MGST1: variants seen among roughly 807,000 people sequenced by gnomAD.
The protein encoded by MGST1 is glutathione S-transferase 12.
In MGST1, 5 loss-of-function variants were observed where a neutral mutation model predicts 8.9. The ratio of observed to expected loss-of-function variants is 0.56; its 90% CI spans 0.29 to 1.19. MGST1 has a LOEUF of 1.19. Ranked by LOEUF, MGST1 falls within the 50% of genes most tolerant of loss-of-function variation. MGST1 has a pLI of 0.08. For missense variants in MGST1, 182 were observed against 187.4 expected, an observed-to-expected ratio of 0.97 and a Z score of 0.17; for synonymous variants, 54 against 67.8, an observed-to-expected ratio of 0.80 and a Z score of 1.00.
chr12:16,485,743 T>C (rs190088545), intron 4 of MGST1, among the ~76,000 whole-genome samples: 172 of 152,330 alleles, frequency 1.1e-3, no homozygotes, highest in Non-Finnish European at 1.7e-3. Flanking sequence ...AAAATGCATG[T>C]CATGGAACAA....
chr12:16,578,635 T>A (rs564761582), intron 4 of MGST1, among the ~76,000 whole-genome samples: 1 of 152,214 alleles, frequency 6.6e-6, no homozygotes, highest in East Asian at 1.9e-4. Context: ...TTGGCCAACA[T>A]GGTGAAGCCC....
At chr12:16,496,570 C>T (rs928015533) in intron 4 of MGST1, among the ~76,000 whole-genome samples, 8 of 151,982 alleles carry the variant, frequency 5.3e-5, no homozygotes, top group Non-Finnish European at 1.2e-4. Flanking sequence ...CGACTAATCC[C>T]GTCACCCGCA....
chr12:16,578,677 G>T (rs1943067063), intron 4 of MGST1, among the ~76,000 whole-genome samples: 1 of 152,050 alleles, frequency 6.6e-6, no homozygotes, highest in Non-Finnish European at 1.5e-5. Flanking sequence ...AATTAGCCAG[G>T]TGTGGTGGTG....
chr12:16,359,101 CTT>C (rs1284803979), intron 3 of MGST1, among the ~76,000 whole-genome samples: 6 of 152,062 alleles, frequency 3.9e-5, no homozygotes, highest in Non-Finnish European at 7.4e-5. Flanking sequence ...TAAAAATAGA[CTT>C]GAGTAAGTGG....
At chr12:16,405,005 A>G (rs1940687596) in intron 1 of MGST1, among the ~76,000 whole-genome samples, 1 of 152,200 alleles carries the variant, frequency 6.6e-6, no homozygotes, top group Non-Finnish European at 1.5e-5. Context: ...ACAACCTACC[A>G]TAATCTCTGG....
chr12:16,541,687 A>C (rs1941794372), intron 4 of MGST1, among the ~76,000 whole-genome samples: 1 of 152,104 alleles, frequency 6.6e-6, no homozygotes, highest in Admixed American at 6.5e-5. Flanking sequence ...TTTTTCAAGG[A>C]TTATGGTTTC....
chr12:16,417,015 C>G (rs1940792708), intron 1 of MGST1, among the ~76,000 whole-genome samples: 1 of 152,136 alleles, frequency 6.6e-6, no homozygotes. Context: ...GATTAATTAT[C>G]TAGTTGACAG....
exon 2 of MGST1, chr12:16,438,198 G>A (rs1941005285): frequency 6.6e-6 from 1 of 151,894 alleles, no homozygotes; most frequent in South Asian, 2.1e-4. Flanking sequence ...TCACTATAGT[G>A]GCTGGACATG....
At chr12:16,485,136 T>A (rs1451758319) in intron 4 of MGST1, among the ~76,000 whole-genome samples, 1 of 152,208 alleles carries the variant, frequency 6.6e-6, no homozygotes, top group Non-Finnish European at 1.5e-5. Context: ...TAAAACCCTA[T>A]CTGCTCTTGG....
chr12:16,386,567 A>T (rs1175572740), intron 1 of MGST1, among the ~76,000 whole-genome samples: 1 of 152,224 alleles, frequency 6.6e-6, no homozygotes, highest in Non-Finnish European at 1.5e-5. Flanking sequence ...TGTCATGAAG[A>T]ATTACGAGCT....
At chr12:16,466,067 CT>C (rs1265662979) in intron 4 of MGST1, among the ~76,000 whole-genome samples, 1 of 152,188 alleles carries the variant, frequency 6.6e-6, no homozygotes, top group Non-Finnish European at 1.5e-5. Context: ...AGTGGAAACA[CT>C]TGCATATGTG....
chr12:16,530,648 C>G (rs1023759636), intron 4 of MGST1, among the ~76,000 whole-genome samples: 2 of 152,042 alleles, frequency 1.3e-5, no homozygotes, highest in African/African-American at 4.8e-5. Flanking sequence ...TAAGTTGTTC[C>G]AGATGGTTGC....
chr12:16,430,476 C>A (rs1395350644), intron 1 of MGST1, among the ~76,000 whole-genome samples: 4 of 152,142 alleles, frequency 2.6e-5, no homozygotes, highest in Non-Finnish European at 5.9e-5. Flanking sequence ...GACTGAAAAT[C>A]AGAATTAATC....
rs989190016 is a variant in MGST1 at position 16,361,782 on chromosome 12, G to C, written c.222-2013G>C. Reference sequence around the variant, plus strand: ...TAGCATAGTGAGGAGTGTTATCTTTGAGAACATTTTGAGGGCTGACGAAAG... The same window carrying C: ...TAGCATAGTGAGGAGTGTTATCTTTCAGAACATTTTGAGGGCTGACGAAAG... On this transcript the variant is annotated intron_variant, in intron 3 of 3. Transcript: ENST00000396210. The surrounding 1 kb of genome is among the most constrained non-coding windows in gnomAD (Gnocchi z 4.2). 6.6e-6 allele frequency among the ~76,000 whole-genome samples: 1 copy of C among 152,154 alleles called. No individual in the cohort carries two copies.
chr12:16,355,297 C>T (rs1939667350), intron 2 of MGST1, among the ~76,000 whole-genome samples: 1 of 151,356 alleles, frequency 6.6e-6, no homozygotes, highest in African/African-American at 2.4e-5. Flanking sequence ...CAACCTCTGC[C>T]TCCTGGGTTC....
In MGST1 at chr12:16,482,915, G is replaced by A. The variant is rs1941374392; in HGVS notation, n.482+99311G>A. Among the ~76,000 whole-genome samples the A allele has an allele frequency of 2.0e-5, 3 of 152,122 alleles. No homozygotes were observed. Among genetic ancestry groups the A allele is most frequent in the Non-Finnish European group, 2.9e-5 (2 of 68,022 alleles). On this transcript the variant is annotated intron_variant and non_coding_transcript_variant, in intron 4 of 4. Coordinates refer to the MGST1 transcript ENST00000538857. The surrounding 1 kb of genome is among the most constrained non-coding windows in gnomAD (Gnocchi z 4.2). ...AGCTCCTTTATTGCAACTTCATGACGTGCTCTGGCTCAAATAATTCATGAG... is the reference window on the plus strand; with the variant it reads ...AGCTCCTTTATTGCAACTTCATGACATGCTCTGGCTCAAATAATTCATGAG...
downstream of MGST1, among the ~76,000 whole-genome samples, chr12:16,378,565 T>C (rs1260094981): frequency 6.6e-6 from 1 of 151,830 alleles, no homozygotes; most frequent in Admixed American, 6.6e-5. Context: ...TAGTATAGTT[T>C]GAAGTCAGGT....
chr12:16,408,030 C>CAAAAAA lies in MGST1; in HGVS notation n.778+24449_778+24454dup, dbSNP rs200073692. ...CTGGCAACAGAGCAAGACTCTGTCT[C>CAAAAAA]AAAAAAAAAAAAAAAAAAAAAAAAA... On this transcript the variant is annotated intron_variant and non_coding_transcript_variant, in intron 1 of 1. Transcript: ENST00000359720. 2.5e-4 allele frequency among the ~76,000 whole-genome samples: 11 copies of CAAAAAA among 44,098 alleles called. 1 individual carries two copies. The South Asian group carries it at 3.1e-3, about 13-fold the overall frequency. 28.9% of individuals were successfully genotyped at this position (44,098 alleles called of 152,430 possible).
In MGST1 at chr12:16,413,018, A is replaced by T. The variant is rs1940755598; in HGVS notation, n.779-24370A>T. Among the ~76,000 whole-genome samples, 1 of 152,200 alleles carries T rather than the reference A, an allele frequency of 6.6e-6. No homozygotes were observed. The highest frequency in any genetic ancestry group is 1.5e-5 in the Non-Finnish European group (1 of 68,030). ...AATATGTCATAATAATAAGCCAGAAAGAGAGTAGGGAACTCCTCAGTCCAC... is the reference window on the plus strand; with the variant it reads ...AATATGTCATAATAATAAGCCAGAATGAGAGTAGGGAACTCCTCAGTCCAC... On this transcript the variant is annotated intron_variant and non_coding_transcript_variant, in intron 1 of 1. Transcript: ENST00000359720. The surrounding 1 kb of genome is among the most constrained non-coding windows in gnomAD (Gnocchi z 4.0).
Sources: allele counts gnomAD v4.1 joint callset (sites outside exome capture counted in the v4.1 genomes callset), GRCh38; gene constraint gnomAD v4.1.1; non-coding constraint Gnocchi (gnomAD v3.1); transcripts MANE v1.5; gene names NCBI Gene and HGNC (gene_info 2026-07-23, HGNC 2026-07-21).